STXBP5: variants seen among roughly 807,000 people sequenced by gnomAD.
STXBP5 encodes syntaxin binding protein 5.
In STXBP5, 50 loss-of-function variants were observed where a neutral mutation model predicts 152.4. That is an observed-to-expected ratio of 0.33 (90% CI 0.26 to 0.42). STXBP5 has a LOEUF of 0.42. STXBP5 is among the 10% of genes least tolerant of loss of function. The pLI, the probability that STXBP5 is intolerant of heterozygous loss-of-function variation, is 1.00. For synonymous variants in STXBP5, 492 were observed against 494.7 expected, an observed-to-expected ratio of 0.99 and a Z score of 0.07; for missense variants, 1,167 against 1,388.6, an observed-to-expected ratio of 0.84 and a Z score of 2.54.
At chr6:147,251,940 A>G (rs954457465) in intron 4 of STXBP5, among the ~76,000 whole-genome samples, 1 of 152,192 alleles carries the variant, frequency 6.6e-6, no homozygotes. Context: ...TACCCAGGCA[A>G]ACAGGGTCTG....
intron 17 of STXBP5, 68 bp from the exon 18 acceptor site, chr6:147,327,057 T>TAA: frequency 6.9e-7 from 1 of 1,443,844 alleles, no homozygotes; most frequent in Non-Finnish European, 9.5e-7. Flanking sequence ...TTCAGCCTTA[T>TAA]AGACTGTAGT....
chr6:147,289,768 G>A (rs148316970), intron 8 of STXBP5, among the ~76,000 whole-genome samples: 39 of 151,918 alleles, frequency 2.6e-4, no homozygotes, highest in Admixed American at 2.1e-3. Flanking sequence ...GGAGGATATG[G>A]CAAAATACGG....
chr6:147,281,500 A>G (rs1167388109), intron 8 of STXBP5, among the ~76,000 whole-genome samples: 2 of 152,202 alleles, frequency 1.3e-5, no homozygotes, highest in Non-Finnish European at 1.5e-5. Context: ...ATTTTGTTCT[A>G]CTTTCTCATT....
At chr6:147,223,057 G>A (rs1281062876) in intron 2 of STXBP5, among the ~76,000 whole-genome samples, 1 of 152,208 alleles carries the variant, frequency 6.6e-6, no homozygotes, top group African/African-American at 2.4e-5. Context: ...AGATCTTTAA[G>A]AAGAGTTGTT....
intron 25 of STXBP5, among the ~76,000 whole-genome samples, chr6:147,371,945 C>T (rs1441797761): frequency 6.6e-6 from 1 of 152,016 alleles, no homozygotes; most frequent in Non-Finnish European, 1.5e-5. Context: ...AAATTAGGAT[C>T]TGTGAAATAC....
At chr6:147,212,787 A>G (rs751397582) in intron 2 of STXBP5, among the ~76,000 whole-genome samples, 19 of 152,342 alleles carry the variant, frequency 1.2e-4, no homozygotes, top group Non-Finnish European at 2.5e-4. Flanking sequence ...AGGAAAGAGC[A>G]TGTGAATGAA....
At chr6:147,377,674 C>T (rs901408192) in intron 26 of STXBP5, among the ~76,000 whole-genome samples, 1 of 152,082 alleles carries the variant, frequency 6.6e-6, no homozygotes, top group Admixed American at 6.6e-5. Flanking sequence ...TCTCTGGCCT[C>T]TTTTTAAGGG....
intron 4 of STXBP5, among the ~76,000 whole-genome samples, chr6:147,246,896 G>A (rs1778836723): frequency 6.6e-6 from 1 of 152,142 alleles, no homozygotes; most frequent in Non-Finnish European, 1.5e-5. Context: ...ATAATGTACT[G>A]TAGCAATGAG....
At chr6:147,347,745 G>C (rs1401127675) in intron 21 of STXBP5, among the ~76,000 whole-genome samples, 1 of 152,084 alleles carries the variant, frequency 6.6e-6, no homozygotes, top group Non-Finnish European at 1.5e-5. Context: ...TTTAAGAAAA[G>C]ATACATCTTG....
chr6:147,367,414 G>A (rs1785339270), intron 25 of STXBP5, among the ~76,000 whole-genome samples: 1 of 152,128 alleles, frequency 6.6e-6, no homozygotes, highest in Admixed American at 6.5e-5. Flanking sequence ...CGAGGCGGGT[G>A]GATCACAAGG....
chr6:147,381,110 C>T (rs1360223458), intron 26 of STXBP5, among the ~76,000 whole-genome samples: 1 of 152,052 alleles, frequency 6.6e-6, no homozygotes. Context: ...GCACAGGAAA[C>T]CCTGCCCCCA....
At chr6:147,271,517 T>C (rs1436795688) in intron 7 of STXBP5, among the ~76,000 whole-genome samples, 1 of 152,088 alleles carries the variant, frequency 6.6e-6, no homozygotes, top group African/African-American at 2.4e-5. Context: ...AATCTATAAA[T>C]ATTGAAAAGG....
At chr6:147,383,989 C>G (rs1330445718) in intron 27 of STXBP5, among the ~76,000 whole-genome samples, 1 of 151,956 alleles carries the variant, frequency 6.6e-6, no homozygotes, top group East Asian at 1.9e-4. Flanking sequence ...ACCCTACACC[C>G]GATTGTATGA....
chr6:147,234,083 A>G (rs1321600289), intron 2 of STXBP5, among the ~76,000 whole-genome samples: 1 of 151,740 alleles, frequency 6.6e-6, no homozygotes, highest in African/African-American at 2.4e-5. Context: ...AATTAAACCT[A>G]TGGCACAATT....
intron 4 of STXBP5, among the ~76,000 whole-genome samples, chr6:147,258,363 C>T (rs181789838): frequency 9.9e-4 from 151 of 152,278 alleles, no homozygotes; most frequent in African/African-American, 3.4e-3. Context: ...TATTAAATAA[C>T]GATACCTTCT....
At chr6:147,268,882 A>G (rs1164301362) in intron 7 of STXBP5, among the ~76,000 whole-genome samples, 2 of 152,180 alleles carry the variant, frequency 1.3e-5, no homozygotes, top group African/African-American at 2.4e-5. Flanking sequence ...AAACCCCTCA[A>G]TTGCTTTAGC....
chr6:147,222,462 A>T (rs1247650956), intron 2 of STXBP5, among the ~76,000 whole-genome samples: 1 of 151,978 alleles, frequency 6.6e-6, no homozygotes, highest in East Asian at 1.9e-4. Context: ...GAACTTCAGG[A>T]GTGCTTCTTA....
intron 4 of STXBP5, among the ~76,000 whole-genome samples, chr6:147,253,584 G>A (rs1366963589): frequency 1.3e-5 from 2 of 152,176 alleles, no homozygotes; most frequent in Admixed American, 6.5e-5. Context: ...TCCTTAAGCT[G>A]ATAAGCAACT....
chr6:147,334,011 C>T (rs1262901691), intron 18 of STXBP5, 146 bp from the exon 19 acceptor site: 7 of 588,400 alleles, frequency 1.2e-5, no homozygotes, highest in Non-Finnish European at 2.0e-5. Context: ...TATCTCAAAC[C>T]CAATGTGCAT....
Sources: allele counts gnomAD v4.1 joint callset (sites outside exome capture counted in the v4.1 genomes callset), GRCh38; gene constraint gnomAD v4.1.1; transcripts MANE v1.5; gene names NCBI Gene and HGNC (gene_info 2026-07-23, HGNC 2026-07-21).